The following MYBL1 variants were observed in gnomAD, a reference collection of about 807,000 sequenced individuals.
MYBL1 encodes the protein myb-related protein A.
Under a neutral mutation model 96.3 loss-of-function variants are expected in MYBL1, and 17 were observed. The ratio of observed to expected loss-of-function variants is 0.18; its 90% CI spans 0.12 to 0.26. The LOEUF (loss-of-function observed/expected upper bound fraction) is 0.26. Among genes scored for constraint, MYBL1 ranks in the 10% least tolerant of loss-of-function variants. The pLI is 1.00. For synonymous variants in MYBL1, 282 were observed against 292.7 expected, an observed-to-expected ratio of 0.96 and a Z score of 0.37; for missense variants, 701 against 882.9, an observed-to-expected ratio of 0.79 and a Z score of 2.61.
chr8:66,579,477 T>C (rs1170341260), intron 9 of MYBL1, among the ~76,000 whole-genome samples: 1 of 151,776 alleles, frequency 6.6e-6, no homozygotes, highest in Non-Finnish European at 1.5e-5. Context: ...GCCAACATGA[T>C]GAAACCCCAT....
intron 3 of MYBL1, 87 bp from the exon 4 acceptor site, chr8:66,599,229 A>G: frequency 1.3e-6 from 1 of 755,380 alleles, no homozygotes; most frequent in Non-Finnish European, 2.1e-6. Flanking sequence ...TCCTTAGAAC[A>G]AAGACTTCAA....
At chr8:66,587,493 C>T (rs1167923420) in intron 8 of MYBL1, among the ~76,000 whole-genome samples, 2 of 152,080 alleles carry the variant, frequency 1.3e-5, no homozygotes, top group African/African-American at 4.8e-5. Flanking sequence ...TAGAAATGTA[C>T]ACTAGGCAAT....
intron 5 of MYBL1, among the ~76,000 whole-genome samples, chr8:66,596,555 C>T (rs1246278551): frequency 6.6e-6 from 1 of 152,100 alleles, no homozygotes; most frequent in Non-Finnish European, 1.5e-5. Context: ...AAATTTAACA[C>T]TATGCCTTAA....
intron 4 of MYBL1, 122 bp downstream of exon 4, chr8:66,598,928 G>C: frequency 2.0e-6 from 1 of 508,020 alleles, no homozygotes; most frequent in Admixed American, 4.4e-5. Context: ...TCTTATGCAA[G>C]TAGCCTCCGG....
At position 66,576,080 on chromosome 8, in the gene MYBL1, C is replaced by A. The variant is rs371089549; in HGVS notation, c.1397G>T (p.Gly466Val). The change falls in exon 10 of 16, where the codon GGC (glycine) becomes GTC (valine). Residue 466 changes from glycine (G) to valine (V), a missense_variant. By Grantham distance (109) the Gly-to-Val change is moderately radical. Transcript: ENST00000522677. Reference protein sequence around the residue: ...GHSPGSELRDGSLNDGGNMAL... With the variant: ...GHSPGSELRDVSLNDGGNMAL... ...CATATTACCACCATCGTTCAATGAGCCATCCCTAAGTTCGCTGCCTGGGGA... is the reference window on the plus strand; with the variant it reads ...CATATTACCACCATCGTTCAATGAGACATCCCTAAGTTCGCTGCCTGGGGA... 6.2e-7 allele frequency: 1 copy of A among 1,613,812 alleles called. No homozygotes were observed. Among genetic ancestry groups the A allele is most frequent in the African/African-American group, 1.3e-5 (1 of 74,916 alleles).
In MYBL1 at chr8:66,609,702, C is replaced by A. The variant is rs565369411; in HGVS notation, c.20+3117G>T. On this transcript the variant is annotated intron_variant, in intron 1 of 15. Coordinates refer to ENST00000522677, the MANE Select transcript of MYBL1 (RefSeq NM_001080416.4). Reference sequence around the variant, plus strand: ...AAACAAAAACATTGTGAGAAAATTTCTATTTCATTAGTATGTATATACTTT... The same window carrying A: ...AAACAAAAACATTGTGAGAAAATTTATATTTCATTAGTATGTATATACTTT... 6.6e-5 allele frequency among the ~76,000 whole-genome samples: 10 copies of A among 152,030 alleles called. No homozygotes were observed. The South Asian group carries it at 2.1e-3, about 32-fold the overall frequency.
chr8:66,565,873 T>C (rs1164100892), intron 15 of MYBL1, among the ~76,000 whole-genome samples, 191 bp downstream of exon 15: 1 of 152,150 alleles, frequency 6.6e-6, no homozygotes, highest in Non-Finnish European at 1.5e-5. Context: ...TTCAATTGTT[T>C]AGTTTATATG....
At chr8:66,567,055 A>C in intron 12 of MYBL1, 63 bp from the exon 13 acceptor site, 1 of 1,051,944 alleles carries the variant, frequency 9.5e-7, no homozygotes. Flanking sequence ...CTCCCTATAT[A>C]TAGGAAACCC....
intron 8 of MYBL1, among the ~76,000 whole-genome samples, chr8:66,589,775 A>T (rs1214391816): frequency 6.6e-6 from 1 of 152,134 alleles, no homozygotes; most frequent in Admixed American, 6.5e-5. Context: ...TGAGCCACCA[A>T]GCCCAGTCTA....
In MYBL1 at chr8:66,595,046, T is replaced by TGCCCCATTTTGAGCTC. The variant is rs1809796435; in HGVS notation, c.687+521_687+536dup. ...GCACTGTAAGGGACAACATAGAGCTTGCCCCATTTTGAGCTCGTGTAATAC... is the reference window on the plus strand; with the variant it reads ...GCACTGTAAGGGACAACATAGAGCTTGCCCCATTTTGAGCTCGCCCCATTTTGAGCTCGTGTAATAC... On this transcript the variant is annotated intron_variant, in intron 6 of 15. Coordinates refer to ENST00000522677, the MANE Select transcript of MYBL1 (RefSeq NM_001080416.4). Among the ~76,000 whole-genome samples, 9 of 152,274 alleles carry TGCCCCATTTTGAGCTC rather than the reference T, an allele frequency of 5.9e-5. No individual in the cohort carries two copies. In the South Asian group the frequency reaches 1.9e-3, roughly 32 times the overall value.
intron 15 of MYBL1, 31 bp downstream of exon 15, chr8:66,566,033 A>G: frequency 2.8e-6 from 4 of 1,420,654 alleles, no homozygotes; most frequent in Non-Finnish European, 3.8e-6. Context: ...AACAAAAACA[A>G]AAATCACTAA....
chr8:66,586,076 G>A lies in MYBL1; in HGVS notation c.868-5710C>T, dbSNP rs530227015. On this transcript the variant is annotated intron_variant, in intron 8 of 15. Transcript: ENST00000522677. ...TTTTTTTTTTTTTGAGATAAGGTCCGGCTCTGTTGCCCAGGCTACACTGCA... is the reference window on the plus strand; with the variant it reads ...TTTTTTTTTTTTTGAGATAAGGTCCAGCTCTGTTGCCCAGGCTACACTGCA... Among the ~76,000 whole-genome samples, 122 of 134,286 alleles carry A rather than the reference G, an allele frequency of 9.1e-4. 3 individuals are homozygous for A. The highest frequency in any genetic ancestry group is 1.3e-3 in the Non-Finnish European group (84 of 65,338). The allele number at this position is 134,286 out of a possible 152,430, so 88.1% of individuals were successfully genotyped here.
rs745341038 is a variant in MYBL1 at position 66,597,396 on chromosome 8, A to G, written c.446T>C (p.Ile149Thr). 1 of 1,612,840 alleles carries G rather than the reference A, an allele frequency of 6.2e-7. No individual in the cohort carries two copies. Among genetic ancestry groups the G allele is most frequent in the South Asian group, 1.1e-5 (1 of 90,918 alleles). ...KSSWTEEEDR[I>T]IYEAHKRLGN... The stretch of plus-strand genomic sequence containing the variant: ...CAACCGCTTATGTGCTTCATAGATG[A>G]TCCTGTCCTCCTCTTCTGTCCAGGA... Residue 149 changes from isoleucine (I) to threonine (T), a missense_variant, in exon 5 of 16, where the codon ATC becomes ACC. Around this residue, in one of 5 missense-constraint regions of MYBL1, gnomAD observed 37 missense variants for 135.0 expected, o/e 0.27. Coordinates refer to ENST00000522677, the MANE Select transcript of MYBL1 (RefSeq NM_001080416.4).
intron 8 of MYBL1, among the ~76,000 whole-genome samples, chr8:66,589,478 C>A (rs774678459): frequency 7.2e-5 from 11 of 151,928 alleles, no homozygotes; most frequent in Non-Finnish European, 1.6e-4. Context: ...CCATGCCTGG[C>A]TAATTTATTT....
chr8:66,597,638 A>T, intron 4 of MYBL1, 88 bp from the exon 5 acceptor site: 2 of 792,758 alleles, frequency 2.5e-6, no homozygotes, highest in East Asian at 2.7e-5. Context: ...AAATAAATGC[A>T]TTAAATCCAA....
chr8:66,579,313 G>A (rs1037912395), intron 9 of MYBL1, among the ~76,000 whole-genome samples: 1 of 151,756 alleles, frequency 6.6e-6, no homozygotes, highest in Non-Finnish European at 1.5e-5. Flanking sequence ...TAATAGTTGG[G>A]TAAATATATT....
intron 12 of MYBL1, among the ~76,000 whole-genome samples, chr8:66,567,455 G>C (rs1356194179): frequency 6.6e-6 from 1 of 151,982 alleles, no homozygotes. Flanking sequence ...GCAATGGTCA[G>C]GTCATTTTCA....
At chr8:66,605,021 T>C (rs1459801304) in intron 1 of MYBL1, among the ~76,000 whole-genome samples, 1 of 152,188 alleles carries the variant, frequency 6.6e-6, no homozygotes, top group East Asian at 1.9e-4. Flanking sequence ...AAGCCACATA[T>C]GTAATTTTCT....
In MYBL1 at chr8:66,562,364, G is replaced by A. The variant is rs1299077731; in HGVS notation, c.*2333C>T. On this transcript the variant is annotated 3_prime_UTR_variant, in exon 16 of 16. Coordinates refer to ENST00000522677, the MANE Select transcript of MYBL1 (RefSeq NM_001080416.4). ...AGTCAGTTTCCATGCAAGTATGGCT[G>A]CTACATGTTATGTCTGGCATTTGTA... The A allele has an allele frequency of 6.6e-6, 1 of 152,570 alleles. No individual in the cohort carries two copies. Among genetic ancestry groups the A allele is most frequent in the Middle Eastern group, 3.2e-3 (1 of 316 alleles). The allele number at this position is 152,570 out of a possible 1,614,324, so 9.5% of individuals were successfully genotyped here.
Sources: gnomAD v4.1 joint callset for allele counts (sites outside exome capture counted in the v4.1 genomes callset) on GRCh38, gnomAD v4.1.1 for gene constraint, gnomAD v4.1.1 regional missense constraint, MANE v1.5 for transcripts, NCBI Gene and HGNC (gene_info 2026-07-23, HGNC 2026-07-21) for gene names.